Variants in ELF1 observed in about 807,000 individuals in gnomAD.
ELF1 encodes the protein E74 like ETS transcription factor 1.
A neutral mutation model predicts 59.9 loss-of-function variants in ELF1; 24 were observed. The observed-to-expected ratio is 0.40, with a 90% CI of 0.29 to 0.56. The LOEUF is 0.56. Ranked by LOEUF, ELF1 falls within the 20% of genes least tolerant of loss-of-function variation. The pLI is 0.44. For synonymous variants in ELF1, 248 were observed against 266.2 expected (o/e 0.93, Z 0.67); for missense variants, 627 against 742.2 (o/e 0.84, Z 1.80).
At chr13:40,968,939 C>T (rs1872357431) in intron 2 of ELF1, among the ~76,000 whole-genome samples, 1 of 152,112 alleles carries the variant, frequency 6.6e-6, no homozygotes, top group South Asian at 2.1e-4. Context: ...AGGCTGGTCT[C>T]AAACTCCTGG....
chr13:41,006,448 G>A (rs1042542960), intron 1 of ELF1, among the ~76,000 whole-genome samples: 1 of 152,126 alleles, frequency 6.6e-6, no homozygotes, highest in African/African-American at 2.4e-5. Context: ...TAACTGGGGG[G>A]CAGGATGGGG....
chr13:41,015,118 A>G (rs955370263), intron 1 of ELF1, among the ~76,000 whole-genome samples: 33 of 152,276 alleles, frequency 2.2e-4, no homozygotes, highest in African/African-American at 7.7e-4. Context: ...TGTTTTTCCT[A>G]AAGCCCCAGG....
intron 1 of ELF1, among the ~76,000 whole-genome samples, chr13:41,055,227 C>T: frequency 6.6e-6 from 1 of 152,116 alleles, no homozygotes; most frequent in Non-Finnish European, 1.5e-5. Flanking sequence ...CACTAGGCAT[C>T]AGGAGGATAG....
In ELF1 at chr13:40,987,096, C is replaced by T. The variant is rs562958563; in HGVS notation, c.-228-4814G>A. On this transcript the variant is annotated intron_variant, in intron 1 of 8. Transcript: ENST00000239882. ...GACTACAGGCGCCCGCCACCACGCC[C>T]GGCTAATTTTTTGTATTTTTTAGTA... Among the ~76,000 whole-genome samples the T allele has an allele frequency of 7.8e-3, 1,168 of 150,402 alleles. 11 individuals carry two copies. Among genetic ancestry groups the T allele is most frequent in the South Asian group, 0.016 (78 of 4,758 alleles).
intron 1 of ELF1, among the ~76,000 whole-genome samples, chr13:41,008,956 C>A (rs1396954615): frequency 6.6e-6 from 1 of 151,396 alleles, no homozygotes; most frequent in African/African-American, 2.4e-5. Flanking sequence ...GTCTTTTTTG[C>A]ACTTTTTTTT....
chr13:41,049,212 C>T (rs1876985780), intron 1 of ELF1, among the ~76,000 whole-genome samples: 1 of 152,174 alleles, frequency 6.6e-6, no homozygotes, highest in South Asian at 2.1e-4. Flanking sequence ...TTCAAACTAC[C>T]AAATCACAGT....
chr13:40,955,240 A>G (rs9532686), intron 3 of ELF1, among the ~76,000 whole-genome samples: 137,121 of 140,218 alleles, frequency 0.98, 67,109 homozygotes, highest in East Asian at 1. Flanking sequence ...AGTGAGGAGC[A>G]TCTCCGCCTG....
chr13:40,942,712 G>T (rs1041060316), intron 7 of ELF1, among the ~76,000 whole-genome samples: 11 of 152,050 alleles, frequency 7.2e-5, no homozygotes, highest in African/African-American at 2.7e-4. Context: ...AGTAGAGACA[G>T]GGTTTTGCCA....
upstream of ELF1, among the ~76,000 whole-genome samples, chr13:41,019,726 G>A (rs542513951): frequency 3.5e-3 from 539 of 152,266 alleles, 2 homozygotes; most frequent in African/African-American, 0.012. Context: ...CAATGGACTG[G>A]TGAGTGTAAT....
intron 2 of ELF1, among the ~76,000 whole-genome samples, chr13:40,977,109 T>C (rs1411199164): frequency 6.6e-6 from 1 of 152,096 alleles, no homozygotes; most frequent in African/African-American, 2.4e-5. Context: ...ATATCAAAAT[T>C]ATAAAAAGCA....
Position 40,945,776 on chromosome 13 carries a change from G to C in ELF1, c.530-1851C>G, listed in dbSNP as rs1870466441. Among the ~76,000 whole-genome samples the C allele has an allele frequency of 2.6e-5, 4 of 152,206 alleles. No individual in the cohort carries two copies. In the South Asian group the frequency reaches 6.2e-4, roughly 24 times the overall value. ...TTTAATCCACACTAAATTTACTGGA[G>C]TTTACTAATTCTTTCTTAAGCAGTG... On this transcript the variant is annotated intron_variant, in intron 5 of 8. Coordinates refer to ENST00000239882, the MANE Select transcript of ELF1 (RefSeq NM_172373.4).
intron 2 of ELF1, among the ~76,000 whole-genome samples, chr13:40,963,860 C>T (rs1872006349): frequency 6.6e-6 from 1 of 151,760 alleles, no homozygotes; most frequent in Non-Finnish European, 1.5e-5. Flanking sequence ...GAGCCAAGAT[C>T]GCACCACTGC....
intron 1 of ELF1, among the ~76,000 whole-genome samples, chr13:41,008,429 T>C (rs377280507): frequency 1.3e-5 from 2 of 152,342 alleles, no homozygotes; most frequent in African/African-American, 4.8e-5. Flanking sequence ...GGAAAACTTG[T>C]ATGTATCTAC....
chr13:40,967,045 C>T (rs1169106692), intron 2 of ELF1, among the ~76,000 whole-genome samples: 1 of 152,238 alleles, frequency 6.6e-6, no homozygotes, highest in East Asian at 1.9e-4. Flanking sequence ...AAATTAAACA[C>T]TGCACTTGCT....
intron 2 of ELF1, among the ~76,000 whole-genome samples, chr13:40,978,902 G>T (rs544837824): frequency 1.3e-5 from 2 of 152,040 alleles, no homozygotes; most frequent in South Asian, 2.1e-4. Flanking sequence ...TTTAGATTCA[G>T]GGGGTACATG....
chr13:40,935,503 C>T (rs568496433), intron 8 of ELF1, among the ~76,000 whole-genome samples: 2 of 152,206 alleles, frequency 1.3e-5, no homozygotes, highest in South Asian at 2.1e-4. Context: ...ATTCAGGACA[C>T]GTTCAAAAGA....
At chr13:41,037,429 A>C (rs1876425595) in intron 1 of ELF1, among the ~76,000 whole-genome samples, 1 of 152,216 alleles carries the variant, frequency 6.6e-6, no homozygotes, top group East Asian at 1.9e-4. Context: ...ATTTAAATCC[A>C]TTTTCACTCC....
Position 40,933,596 on chromosome 13 carries a change from T to G in ELF1, c.1689A>C (p.Lys563Asn). The change falls in exon 9 of 9, where the codon AAA becomes AAC. Residue 563 changes from lysine to asparagine, a missense_variant. Physicochemically the swap from Lys to Asn is moderately conservative, Grantham distance 94. This residue lies in a region of ELF1 where 361 missense variants were observed against 396.1 expected (regional missense o/e 0.91). Transcript: ENST00000239882. ...TTTTCTCTACTTCCTGTGTAAGAGT[T>G]TTTGTTTCTTGAGTTTTGATAACTG... ...ITSVIKTQET[K>N]TLTQEVEKKE... 1 of 1,614,242 alleles carries G rather than the reference T, an allele frequency of 6.2e-7. No homozygotes were observed.
chr13:41,033,687 G>A (rs1314073413), intron 1 of ELF1, among the ~76,000 whole-genome samples: 1 of 152,176 alleles, frequency 6.6e-6, no homozygotes, highest in Non-Finnish European at 1.5e-5. Flanking sequence ...TGCTCCTTAT[G>A]AGAATCTAAC....
Sources: allele counts gnomAD v4.1 joint callset (sites outside exome capture counted in the v4.1 genomes callset), GRCh38; gene constraint gnomAD v4.1.1; regional missense constraint gnomAD v4.1.1; transcripts MANE v1.5; gene names NCBI Gene and HGNC (gene_info 2026-07-23, HGNC 2026-07-21).